Variants in SGCZ observed in about 807,000 individuals in gnomAD.
SGCZ encodes the protein zeta-sarcoglycan.
Under a neutral mutation model 41.3 loss-of-function variants are expected in SGCZ, and 40 were observed. The ratio of observed to expected loss-of-function variants is 0.97; its 90% CI spans 0.75 to 1.26. The LOEUF is 1.26. Ranked by LOEUF, SGCZ falls within the 50% of genes most tolerant of loss-of-function variation. The pLI, the probability that SGCZ is intolerant of heterozygous loss-of-function variation, is 0.00. For missense variants in SGCZ, 552 were observed against 369.8 expected (o/e 1.49, Z -4.04); for synonymous variants, 206 against 137.5 (o/e 1.50, Z -3.49).
intron 6 of SGCZ, among the ~76,000 whole-genome samples, chr8:14,105,447 T>C (rs1802174324): frequency 6.6e-6 from 1 of 151,720 alleles, no homozygotes; most frequent in Admixed American, 6.6e-5. Flanking sequence ...GGCCAACCAA[T>C]GAAACCGTGT....
At chr8:15,223,806 A>C (rs2117190516) in intron 1 of SGCZ, among the ~76,000 whole-genome samples, 1 of 152,284 alleles carries the variant, frequency 6.6e-6, no homozygotes. Flanking sequence ...GAAAAAGTAT[A>C]GCAAAATCAT....
At chr8:14,097,966 C>T (rs1425388722) in intron 7 of SGCZ, among the ~76,000 whole-genome samples, 2 of 151,938 alleles carry the variant, frequency 1.3e-5, no homozygotes, top group African/African-American at 2.4e-5. Flanking sequence ...ATATCTTATT[C>T]TGCTGATCAC....
intron 4 of SGCZ, among the ~76,000 whole-genome samples, chr8:14,192,604 C>T (rs1410180101): frequency 1.3e-5 from 2 of 151,820 alleles, no homozygotes; most frequent in East Asian, 1.9e-4. Flanking sequence ...AGCTATTTTA[C>T]CTGATTCTAC....
intron 3 of SGCZ, among the ~76,000 whole-genome samples, chr8:14,268,645 A>C (rs909999189): frequency 3.4e-4 from 52 of 151,896 alleles, no homozygotes; most frequent in African/African-American, 1.0e-3. Flanking sequence ...TTTTAATTAT[A>C]ACAAAAATAA....
chr8:14,754,946 G>C (rs776506203), intron 1 of SGCZ, among the ~76,000 whole-genome samples: 1 of 152,012 alleles, frequency 6.6e-6, no homozygotes, highest in South Asian at 2.1e-4. Flanking sequence ...GCCCAGAATG[G>C]TCTCAATTCC....
intron 1 of SGCZ, among the ~76,000 whole-genome samples, chr8:14,735,490 T>G (rs1358510143): frequency 6.6e-6 from 1 of 152,206 alleles, no homozygotes. Context: ...TTCCACCCTT[T>G]GGAGTCTCAG....
At chr8:14,602,076 C>T (rs372113694) in intron 1 of SGCZ, among the ~76,000 whole-genome samples, 3 of 151,906 alleles carry the variant, frequency 2.0e-5, no homozygotes, top group African/African-American at 4.8e-5. Flanking sequence ...GCCGAGATTG[C>T]GCCACTGCAC....
chr8:14,518,656 C>A (rs1430759905), intron 2 of SGCZ, among the ~76,000 whole-genome samples: 6 of 151,984 alleles, frequency 3.9e-5, no homozygotes, highest in South Asian at 2.1e-4. Context: ...AGCTTTCCAT[C>A]AATCAGGTTA....
intron 3 of SGCZ, among the ~76,000 whole-genome samples, chr8:14,296,287 A>G (rs1481133119): frequency 6.6e-6 from 1 of 152,160 alleles, no homozygotes; most frequent in Non-Finnish European, 1.5e-5. Flanking sequence ...AAACTACTAC[A>G]CATGGAGAGA....
chr8:14,512,944 G>C (rs894642031), intron 2 of SGCZ, among the ~76,000 whole-genome samples: 1 of 151,750 alleles, frequency 6.6e-6, no homozygotes, highest in Admixed American at 6.6e-5. Context: ...GAGGAATGAA[G>C]CCTGATAATG....
intron 1 of SGCZ, among the ~76,000 whole-genome samples, chr8:14,584,092 C>T (rs543318774): frequency 2.6e-5 from 4 of 151,782 alleles, no homozygotes; most frequent in South Asian, 2.1e-4. Flanking sequence ...AAATATTAAA[C>T]GTTAATATAA....
chr8:14,750,067 T>C (rs1257649815), intron 1 of SGCZ, among the ~76,000 whole-genome samples: 1 of 152,164 alleles, frequency 6.6e-6, no homozygotes, highest in Non-Finnish European at 1.5e-5. Flanking sequence ...CACCTTAAGA[T>C]TATTTCTTGG....
At chr8:14,751,950 C>A (rs868688097) in intron 1 of SGCZ, among the ~76,000 whole-genome samples, 4,010 of 125,998 alleles carry the variant, frequency 0.032, 172 homozygotes, top group African/African-American at 0.1. Flanking sequence ...CAAAAACAAA[C>A]AAAAAAAAAA....
At chr8:15,166,491 G>T (rs535686629) in intron 1 of SGCZ, among the ~76,000 whole-genome samples, 2 of 151,852 alleles carry the variant, frequency 1.3e-5, no homozygotes, top group African/African-American at 2.4e-5. Flanking sequence ...CTCATGATCC[G>T]CCCGCCTTGG....
At chr8:15,016,260 C>T (rs1285493266) in intron 1 of SGCZ, among the ~76,000 whole-genome samples, 8 of 152,150 alleles carry the variant, frequency 5.3e-5, no homozygotes, top group African/African-American at 1.9e-4. Context: ...CAATCTCTCT[C>T]ACTGGTTTCA....
At chr8:14,333,446 G>C (rs948869515) in intron 2 of SGCZ, among the ~76,000 whole-genome samples, 3 of 151,904 alleles carry the variant, frequency 2.0e-5, no homozygotes. Context: ...AGGCAATAAA[G>C]ACTAAAGGTT....
chr8:14,579,750 G>C (rs1199970400), intron 1 of SGCZ, among the ~76,000 whole-genome samples: 1 of 152,122 alleles, frequency 6.6e-6, no homozygotes, highest in Admixed American at 6.6e-5. Flanking sequence ...CTAGGGAGTG[G>C]CATATGATAC....
intron 1 of SGCZ, among the ~76,000 whole-genome samples, chr8:14,698,427 A>G (rs1809033533): frequency 6.6e-6 from 1 of 152,008 alleles, no homozygotes; most frequent in Non-Finnish European, 1.5e-5. Context: ...AATAAAGAGT[A>G]AATGGGTAAT....
Position 14,218,341 on chromosome 8 carries a change from T to C in SGCZ, c.424+19251A>G, listed in dbSNP as rs1453064996. 4.6e-5 allele frequency among the ~76,000 whole-genome samples: 7 copies of C among 152,094 alleles called. No homozygotes were observed. In the East Asian group the frequency reaches 1.2e-3, roughly 25 times the overall value. ...GGTATACCAGTTCCAAAAACATAAATAAGAAAAACTCTAGGAAGAAAATTA... is the reference window on the plus strand; with the variant it reads ...GGTATACCAGTTCCAAAAACATAAACAAGAAAAACTCTAGGAAGAAAATTA... On this transcript the variant is annotated intron_variant, in intron 4 of 7. Coordinates refer to ENST00000382080, the MANE Select transcript of SGCZ (RefSeq NM_139167.4).
Sources: gnomAD v4.1 joint callset for allele counts (sites outside exome capture counted in the v4.1 genomes callset) on GRCh38, gnomAD v4.1.1 for gene constraint, MANE v1.5 for transcripts, NCBI Gene and HGNC (gene_info 2026-07-23, HGNC 2026-07-21) for gene names.